Variants in CTNNA2 observed in about 807,000 individuals in gnomAD.
CTNNA2 encodes the protein catenin alpha-2.
Under a neutral mutation model 101.0 loss-of-function variants are expected in CTNNA2, and 42 were observed. The observed-to-expected ratio is 0.42, with a 90% CI of 0.32 to 0.54. CTNNA2 has a LOEUF of 0.54. Among genes scored for constraint, CTNNA2 ranks in the 20% least tolerant of loss-of-function variants. The pLI, the probability that CTNNA2 is intolerant of heterozygous loss-of-function variation, is 0.14. For synonymous variants in CTNNA2, 450 were observed against 456.4 expected (o/e 0.99, Z 0.18); for missense variants, 871 against 1,223.1 (o/e 0.71, Z 4.29).
intron 2 of CTNNA2, among the ~76,000 whole-genome samples, chr2:79,204,918 G>A (rs150108639): frequency 9.1e-4 from 139 of 152,354 alleles, no homozygotes; most frequent in African/African-American, 3.2e-3. Context: ...ATCAGGCACC[G>A]CCTGCCAACA....
intron 2 of CTNNA2, among the ~76,000 whole-genome samples, chr2:79,692,061 G>A (rs1238678995): frequency 6.6e-6 from 1 of 152,108 alleles, no homozygotes. Flanking sequence ...CACAGCAAAA[G>A]AAACTATCAC....
intron 2 of CTNNA2, chr2:79,312,624 A>G (rs1313949314): frequency 6.6e-6 from 1 of 152,202 alleles, no homozygotes; most frequent in African/African-American, 2.4e-5. Flanking sequence ...GATAGGGGCT[A>G]AGGTCTATGC....
At chr2:80,569,064 G>T (rs1459586349) in intron 12 of CTNNA2, among the ~76,000 whole-genome samples, 2 of 152,096 alleles carry the variant, frequency 1.3e-5, no homozygotes, top group Middle Eastern at 6.3e-3. Context: ...GGTTGACCTT[G>T]CATTTTGCCC....
At position 79,717,504 on chromosome 2, in the gene CTNNA2, C is replaced by T. The variant is rs148168146; in HGVS notation, c.103-26883C>T. On this transcript the variant is annotated intron_variant, in intron 2 of 18. Transcript: ENST00000402739. ...TGCTAGGCCAGGGAGGAGGCAGCCA[C>T]AGCAGCGGCCAAGAGAAGCCACTGG... 4.9e-4 allele frequency among the ~76,000 whole-genome samples: 75 copies of T among 152,262 alleles called. 1 individual carries two copies. In the East Asian group the frequency reaches 0.014, roughly 29 times the overall value.
At position 80,177,876 on chromosome 2, in the gene CTNNA2, A is replaced by G. The variant is rs560014673; in HGVS notation, c.1057-215335A>G. Among the ~76,000 whole-genome samples, 4 of 152,190 alleles carry G rather than the reference A, an allele frequency of 2.6e-5. No homozygotes were observed. In the South Asian group the frequency reaches 6.2e-4, roughly 24 times the overall value. ...TGAGTATATAATCACACATCTGTCC[A>G]TTTCTCCTTCCAAGCAAAGTGCACA... On this transcript the variant is annotated intron_variant, in intron 7 of 18. Coordinates refer to ENST00000402739, the MANE Select transcript of CTNNA2 (RefSeq NM_001282597.3).
At chr2:79,958,217 T>A in intron 7 of CTNNA2, among the ~76,000 whole-genome samples, 1 of 152,200 alleles carries the variant, frequency 6.6e-6, no homozygotes, top group South Asian at 2.1e-4. Context: ...TTTTTCCTTT[T>A]TCTTTTTTAA....
At chr2:80,271,700 G>A (rs575119430) in intron 7 of CTNNA2, among the ~76,000 whole-genome samples, 1 of 152,274 alleles carries the variant, frequency 6.6e-6, no homozygotes, top group South Asian at 2.1e-4. Flanking sequence ...GGGATTACAG[G>A]TGTGAGCCAC....
chr2:79,470,669 A>G (rs1022847687), intron 4 of CTNNA2, among the ~76,000 whole-genome samples: 3 of 152,232 alleles, frequency 2.0e-5, no homozygotes, highest in African/African-American at 7.2e-5. Context: ...GCATCACAGA[A>G]TCATAGATGA....
Position 80,043,020 on chromosome 2 carries a change from TTTCTTTCTTTCTTTCTTTCC to T in CTNNA2, c.1056+133243_1056+133262del, listed in dbSNP as rs57811499. 3.4e-3 allele frequency among the ~76,000 whole-genome samples: 149 copies of T among 43,544 alleles called. 18 individuals carry two copies. The highest frequency in any genetic ancestry group is 8.4e-3 in the African/African-American group (67 of 8,006). The allele number at this position is 43,544 out of a possible 152,430, so 28.6% of individuals were successfully genotyped here. On this transcript the variant is annotated intron_variant, in intron 7 of 18. Coordinates refer to ENST00000402739, the MANE Select transcript of CTNNA2 (RefSeq NM_001282597.3). ...CCTTCCTTTCCTTCCTTTCTTTCCC[TTTCTTTCTTTCTTTCTTTCC>T]TTCTTTCTTTCTTTCTTTCTTTCTT... is the stretch of plus-strand genomic sequence containing the variant.
At chr2:79,616,847 T>C (rs1573486315) in intron 1 of CTNNA2, among the ~76,000 whole-genome samples, 1 of 152,152 alleles carries the variant, frequency 6.6e-6, no homozygotes, top group South Asian at 2.1e-4. Flanking sequence ...ATCCTTGTCT[T>C]TTGGCGTTTG....
At chr2:79,904,002 G>C (rs1438282425) in intron 6 of CTNNA2, among the ~76,000 whole-genome samples, 1 of 152,112 alleles carries the variant, frequency 6.6e-6, no homozygotes, top group African/African-American at 2.4e-5. Flanking sequence ...CATGTGACCA[G>C]CTTCAGTTGA....
intron 1 of CTNNA2, among the ~76,000 whole-genome samples, chr2:79,587,644 T>C (rs1244154525): frequency 5.9e-5 from 9 of 152,346 alleles, no homozygotes; most frequent in Middle Eastern, 3.4e-3. Context: ...GTCCTCATTT[T>C]ATGAGGTCCT....
At chr2:80,622,455 A>C (rs1353662104) in intron 18 of CTNNA2, among the ~76,000 whole-genome samples, 1 of 151,932 alleles carries the variant, frequency 6.6e-6, no homozygotes, top group African/African-American at 2.4e-5. Context: ...AATCCGTGTA[A>C]CCAAGATGAC....
chr2:79,436,271 A>G (rs1678712683), intron 4 of CTNNA2, among the ~76,000 whole-genome samples: 1 of 152,224 alleles, frequency 6.6e-6, no homozygotes, highest in Admixed American at 6.5e-5. Flanking sequence ...GGTGTGAATT[A>G]AAGTTCAAAG....
chr2:79,852,291 A>G (rs1198369316), intron 3 of CTNNA2, among the ~76,000 whole-genome samples: 1 of 152,088 alleles, frequency 6.6e-6, no homozygotes, highest in Admixed American at 6.5e-5. Flanking sequence ...GCTTCTTTTA[A>G]TTGTATTTTT....
chr2:80,186,803 C>T (rs533856966), intron 7 of CTNNA2, among the ~76,000 whole-genome samples: 64 of 152,264 alleles, frequency 4.2e-4, no homozygotes, highest in South Asian at 1.2e-3. Flanking sequence ...CACATCCACA[C>T]TTTTTTCTTA....
At chr2:80,356,318 C>A (rs1012080861) in intron 7 of CTNNA2, among the ~76,000 whole-genome samples, 1 of 152,222 alleles carries the variant, frequency 6.6e-6, no homozygotes, top group South Asian at 2.1e-4. Flanking sequence ...ACAGGGGCAG[C>A]AAGACATGGT....
intron 4 of CTNNA2, among the ~76,000 whole-genome samples, chr2:79,503,621 A>G (rs1290151346): frequency 1.3e-5 from 2 of 152,198 alleles, no homozygotes; most frequent in African/African-American, 4.8e-5. Context: ...GGATGTTTCC[A>G]TACACTATGT....
At chr2:80,515,164 T>TC (rs1559172806) in intron 9 of CTNNA2, among the ~76,000 whole-genome samples, 3 of 151,652 alleles carry the variant, frequency 2.0e-5, no homozygotes, top group East Asian at 2.0e-4. Flanking sequence ...TTTTTTTTTT[T>TC]TCCCCCTTGG....
Sources: allele counts gnomAD v4.1 joint callset (sites outside exome capture counted in the v4.1 genomes callset), GRCh38; gene constraint gnomAD v4.1.1; transcripts MANE v1.5; gene names NCBI Gene and HGNC (gene_info 2026-07-23, HGNC 2026-07-21).